Variants in PSMD1 observed in about 807,000 individuals in gnomAD.
The protein encoded by PSMD1 is 26S proteasome non-ATPase regulatory subunit 1.
Under a neutral mutation model 119.0 loss-of-function variants are expected in PSMD1, and 18 were observed. The observed-to-expected ratio is 0.15, with a 90% CI of 0.10 to 0.22. PSMD1 has a LOEUF of 0.22. Among genes scored for constraint, PSMD1 ranks in the 10% least tolerant of loss-of-function variants. The probability of loss-of-function intolerance (pLI) is 1.00; values close to 1 mark genes in which losing one functional copy is unlikely to be tolerated. For synonymous variants in PSMD1, 374 were observed against 396.6 expected (o/e 0.94, Z 0.68); for missense variants, 702 against 1,158.5 (o/e 0.61, Z 5.72).
chr2:231,157,442 T>C (rs7563617), intron 19 of PSMD1, among the ~76,000 whole-genome samples: 5,940 of 150,760 alleles, frequency 0.039, 130 homozygotes, highest in East Asian at 0.11. Flanking sequence ...TTTTTTTTTT[T>C]TTTATATCTT....
At chr2:231,108,450 C>T (rs937358081) in intron 16 of PSMD1, 1 of 1,143,922 alleles carries the variant, frequency 8.7e-7, no homozygotes, top group Non-Finnish European at 1.3e-6. Flanking sequence ...ATAATATATT[C>T]TTGGCACATT....
chr2:231,090,996 C>G (rs1450710767), intron 16 of PSMD1, among the ~76,000 whole-genome samples: 4 of 152,142 alleles, frequency 2.6e-5, no homozygotes, highest in Admixed American at 6.5e-5. Flanking sequence ...GAAGTAATCA[C>G]TTTTTGGGTC....
intron 9 of PSMD1, 91 bp downstream of exon 9, chr2:231,077,253 T>A (rs1694190869): frequency 2.1e-6 from 2 of 973,294 alleles, no homozygotes; most frequent in East Asian, 3.3e-5. Context: ...TTGGATACTT[T>A]CTTTATTTTA....
At chr2:231,097,764 A>G (rs926460962) in intron 16 of PSMD1, among the ~76,000 whole-genome samples, 1 of 152,158 alleles carries the variant, frequency 6.6e-6, no homozygotes, top group Admixed American at 6.5e-5. Context: ...CGAAAGACCC[A>G]TAGGGGGCTT....
intron 16 of PSMD1, chr2:231,113,697 A>C: frequency 3.8e-6 from 6 of 1,583,980 alleles, no homozygotes; most frequent in Non-Finnish European, 4.3e-6. Flanking sequence ...AAGATTTTGT[A>C]TACCACCCAC....
At chr2:231,089,594 G>A (rs1025471438) in intron 16 of PSMD1, among the ~76,000 whole-genome samples, 6 of 143,124 alleles carry the variant, frequency 4.2e-5, no homozygotes, top group African/African-American at 1.6e-4. Flanking sequence ...GAATTAATAG[G>A]ATATATATAT....
chr2:231,093,499 A>G (rs1233421238), intron 16 of PSMD1, among the ~76,000 whole-genome samples: 1 of 152,140 alleles, frequency 6.6e-6, no homozygotes, highest in Non-Finnish European at 1.5e-5. Flanking sequence ...TAGCCACACC[A>G]TGGTATGATT....
intron 7 of PSMD1, among the ~76,000 whole-genome samples, chr2:231,073,768 AGTG>A (rs998498735): frequency 1.3e-5 from 2 of 151,938 alleles, no homozygotes; most frequent in African/African-American, 4.8e-5. Context: ...GCTGTTGTGA[AGTG>A]GTATTTTTAA....
intron 16 of PSMD1, among the ~76,000 whole-genome samples, chr2:231,096,914 C>T (rs913838168): frequency 2.0e-5 from 3 of 152,064 alleles, no homozygotes; most frequent in Non-Finnish European, 2.9e-5. Context: ...AGCAGATGAT[C>T]GGAATGAGTC....
intron 16 of PSMD1, among the ~76,000 whole-genome samples, chr2:231,110,343 T>C (rs1246344873): frequency 6.6e-6 from 1 of 152,164 alleles, no homozygotes. Flanking sequence ...TTTTATGACC[T>C]GGGAAAGAAA....
Position 231,123,804 on chromosome 2 carries a change from G to C in PSMD1, c.1884-14932G>C, listed in dbSNP as rs750697085. The C allele has an allele frequency of 2.1e-6, 3 of 1,443,502 alleles. No individual in the cohort carries two copies. The African/African-American group carries it at 4.2e-5, about 20-fold the overall frequency. 89.4% of individuals were successfully genotyped at this position (1,443,502 alleles called of 1,614,324 possible). A position where few individuals can be genotyped will look rare whatever the true frequency, so the allele number is the denominator to read the frequency against. On this transcript the variant is annotated intron_variant, in intron 16 of 24. Transcript: ENST00000308696. The stretch of plus-strand genomic sequence containing the variant: ...TGATTCAATCCCGTTCCGAACAGTG[G>C]TCAGCATGGTTAGTAGCTAAGCTGC...
At chr2:231,094,020 A>C (rs1265761036) in intron 16 of PSMD1, among the ~76,000 whole-genome samples, 1 of 152,224 alleles carries the variant, frequency 6.6e-6, no homozygotes, top group Non-Finnish European at 1.5e-5. Flanking sequence ...TAATTAACTG[A>C]GAATTGGCAT....
intron 16 of PSMD1, among the ~76,000 whole-genome samples, chr2:231,134,461 G>A (rs1421184114): frequency 1.3e-5 from 2 of 152,138 alleles, no homozygotes; most frequent in East Asian, 1.9e-4. Flanking sequence ...CTACTGTGTC[G>A]TGTATAATAA....
intron 16 of PSMD1, among the ~76,000 whole-genome samples, chr2:231,090,259 T>G (rs573839319): frequency 6.6e-6 from 1 of 152,224 alleles, no homozygotes; most frequent in Admixed American, 6.5e-5. Context: ...ATAGCTGCCA[T>G]AGGCTGGGCG....
chr2:231,062,540 C>T lies in PSMD1; in HGVS notation c.169C>T (p.Arg57Trp), dbSNP rs773462343. The T allele has an allele frequency of 5.0e-6, 8 of 1,603,768 alleles. No homozygotes were observed. The highest frequency in any genetic ancestry group is 5.9e-6 in the Non-Finnish European group (7 of 1,176,868). The stretch of plus-strand genomic sequence containing the variant: ...ATACGAAGATGAAGGTTTCCGGAGT[C>T]GGCAGTTTGCAGCCTTAGTGGCATC... ...VLYEDEGFRS[R>W]QFAALVASKV... Residue 57 changes from arginine to tryptophan, a missense_variant, in exon 4 of 25, where the codon CGG becomes TGG. By Grantham distance (101) the Arg-to-Trp change is moderately radical. This residue lies in a region of PSMD1 where 60 missense variants were observed against 118.2 expected (regional missense o/e 0.51). Coordinates refer to ENST00000308696, the MANE Select transcript of PSMD1 (RefSeq NM_002807.4).
chr2:231,171,885 G>C (rs1696921563), intron 24 of PSMD1, among the ~76,000 whole-genome samples: 1 of 152,030 alleles, frequency 6.6e-6, no homozygotes, highest in African/African-American at 2.4e-5. Flanking sequence ...AAAAAATAAG[G>C]ACAGTATCAT....
At chr2:231,081,169 T>C (rs1453756235) in intron 12 of PSMD1, among the ~76,000 whole-genome samples, 1 of 137,832 alleles carries the variant, frequency 7.3e-6, no homozygotes, top group Non-Finnish European at 1.6e-5. Flanking sequence ...AAAAAAAAGA[T>C]TGAAGCCAAT....
intron 16 of PSMD1, chr2:231,113,841 A>C: frequency 6.2e-7 from 1 of 1,614,166 alleles, no homozygotes; most frequent in Non-Finnish European, 8.5e-7. Context: ...CTGAAATGGC[A>C]CAGAGATGCA....
intron 16 of PSMD1, among the ~76,000 whole-genome samples, chr2:231,090,722 A>G (rs903773481): frequency 6.6e-6 from 1 of 152,218 alleles, no homozygotes; most frequent in Non-Finnish European, 1.5e-5. Flanking sequence ...CAACATTAGC[A>G]GCAGTCTAGA....
Sources: gnomAD v4.1 joint callset for allele counts (sites outside exome capture counted in the v4.1 genomes callset) on GRCh38, gnomAD v4.1.1 for gene constraint, gnomAD v4.1.1 regional missense constraint, MANE v1.5 for transcripts, NCBI Gene and HGNC (gene_info 2026-07-23, HGNC 2026-07-21) for gene names.